C12orf42: variants seen among roughly 807,000 people sequenced by gnomAD.
C12orf42 encodes chromosome 12 open reading frame 42.
C12orf42 carries 25 observed loss-of-function variants against 21.6 expected under a neutral mutation model. The ratio of observed to expected loss-of-function variants is 1.16; its 90% CI spans 0.84 to 1.62. The LOEUF (loss-of-function observed/expected upper bound fraction) is 1.62, where lower values mean the gene tolerates loss of function less well. Ranked by LOEUF, C12orf42 falls within the 40% of genes most tolerant of loss-of-function variation. The pLI, the probability that C12orf42 is intolerant of heterozygous loss-of-function variation, is 0.00. For missense variants in C12orf42, 483 were observed against 459.3 expected, an observed-to-expected ratio of 1.05 and a Z score of -0.47; for synonymous variants, 174 against 175.0, an observed-to-expected ratio of 0.99 and a Z score of 0.05.
At position 103,251,755 on chromosome 12, in the gene C12orf42, CAATT is replaced by C. The variant is rs576045681; in HGVS notation, c.*1366+11567_*1366+11570del. Among the ~76,000 whole-genome samples, 238 of 152,208 alleles carry C rather than the reference CAATT, an allele frequency of 1.6e-3. 2 individuals are homozygous for C. Among genetic ancestry groups the C allele is most frequent in the African/African-American group, 5.4e-3 (226 of 41,540 alleles). On this transcript the variant is annotated intron_variant and NMD_transcript_variant, in intron 10 of 10. Transcript: ENST00000547347. ...AATTTTTAAATGCTTTCATATATAT[CAATT>C]AATCTTCACAACTGCTACAAGTGAT... is the stretch of plus-strand genomic sequence containing the variant.
At chr12:103,551,165 C>T in the C12orf42 span, among the ~76,000 whole-genome samples, 4 of 152,088 alleles carry the variant, frequency 2.6e-5, no homozygotes, top group African/African-American at 9.7e-5. Flanking sequence ...TGTTTCTCCA[C>T]TTCTTTTTCT....
At chr12:103,068,868 C>CCT in the C12orf42 span, among the ~76,000 whole-genome samples, 1,219 of 133,978 alleles carry the variant, frequency 9.1e-3, 37 homozygotes, top group African/African-American at 0.02. Flanking sequence ...ATAATAAACT[C>CCT]CTCTCTCTAT....
intron 1 of C12orf42, among the ~76,000 whole-genome samples, chr12:103,480,927 T>C (rs939764917): frequency 2.6e-5 from 4 of 151,736 alleles, no homozygotes; most frequent in African/African-American, 9.7e-5. Flanking sequence ...AAATCATCTA[T>C]ATCCCTTGAT....
At chr12:103,125,179 A>C in the C12orf42 span, among the ~76,000 whole-genome samples, 1 of 152,216 alleles carries the variant, frequency 6.6e-6, no homozygotes, top group Non-Finnish European at 1.5e-5. Context: ...ACTTTTGAGA[A>C]AGCCTACAGA....
intron 4 of C12orf42, among the ~76,000 whole-genome samples, chr12:103,310,621 T>C (rs11111520): frequency 0.083 from 12,600 of 152,286 alleles, 521 homozygotes; most frequent in East Asian, 0.18. Context: ...TTTCATAGAA[T>C]CTTCACCCCA....
chr12:103,076,580 G>A, the C12orf42 span, among the ~76,000 whole-genome samples: 1 of 152,088 alleles, frequency 6.6e-6, no homozygotes, highest in Non-Finnish European at 1.5e-5. Flanking sequence ...CAGTGAATAA[G>A]TGGAATCTCT....
the C12orf42 span, among the ~76,000 whole-genome samples, chr12:103,202,879 A>T: frequency 6.6e-6 from 1 of 152,198 alleles, no homozygotes; most frequent in African/African-American, 2.4e-5. Context: ...TGATGGACTA[A>T]TCAGGTACAC....
chr12:103,225,886 A>C, the C12orf42 span, among the ~76,000 whole-genome samples: 10 of 152,286 alleles, frequency 6.6e-5, no homozygotes, highest in African/African-American at 2.4e-4. Context: ...AGTTACCCGA[A>C]GCTCGGCGTC....
intron 4 of C12orf42, among the ~76,000 whole-genome samples, chr12:103,328,929 G>T (rs1285445922): frequency 6.6e-6 from 1 of 152,166 alleles, no homozygotes; most frequent in African/African-American, 2.4e-5. Context: ...TCTATTCCAG[G>T]TACTATTTCA....
At chr12:103,441,384 G>C (rs1951233014) in intron 2 of C12orf42, 1 of 152,136 alleles carries the variant, frequency 6.6e-6, no homozygotes, top group Non-Finnish European at 1.5e-5. Flanking sequence ...AACTGAAACT[G>C]ATCATTAAAA....
chr12:103,180,342 T>C, the C12orf42 span, among the ~76,000 whole-genome samples: 2 of 152,108 alleles, frequency 1.3e-5, no homozygotes, highest in Non-Finnish European at 2.9e-5. Context: ...GGGATGGCAA[T>C]AACGAACTAA....
At chr12:103,508,547 T>C in the C12orf42 span, among the ~76,000 whole-genome samples, 1 of 152,242 alleles carries the variant, frequency 6.6e-6, no homozygotes, top group Non-Finnish European at 1.5e-5. Flanking sequence ...GTTGTAATTG[T>C]TCATACTATG....
intron 1 of C12orf42, among the ~76,000 whole-genome samples, chr12:103,495,492 G>A (rs571694829): frequency 8.5e-5 from 13 of 152,114 alleles, no homozygotes; most frequent in Non-Finnish European, 1.8e-4. Flanking sequence ...TGGGGAGGGC[G>A]GCGGTGGCAT....
chr12:103,427,232 AC>A (rs1165109928), intron 2 of C12orf42, among the ~76,000 whole-genome samples: 26 of 151,708 alleles, frequency 1.7e-4, no homozygotes, highest in Non-Finnish European at 2.9e-4. Context: ...GCAAAGACAC[AC>A]ATAGGCTCAA....
chr12:103,144,596 A>G, the C12orf42 span, among the ~76,000 whole-genome samples: 1 of 152,194 alleles, frequency 6.6e-6, no homozygotes, highest in Admixed American at 6.5e-5. Context: ...ACTCTTCCAA[A>G]ATGGATTTAT....
the C12orf42 span, among the ~76,000 whole-genome samples, chr12:103,158,023 C>G: frequency 2.0e-5 from 3 of 152,128 alleles, no homozygotes; most frequent in Non-Finnish European, 4.4e-5. Context: ...AATTTTCACT[C>G]TATTATGTTT....
intron 10 of C12orf42, among the ~76,000 whole-genome samples, chr12:103,248,567 G>A (rs1401998): frequency 0.51 from 72,452 of 143,412 alleles, 17,410 homozygotes; most frequent in Middle Eastern, 0.65. Flanking sequence ...TATATTACAT[G>A]TATAATATAT....
chr12:103,339,599 C>T (rs1047417693), intron 4 of C12orf42, among the ~76,000 whole-genome samples: 1 of 152,186 alleles, frequency 6.6e-6, no homozygotes, highest in African/African-American at 2.4e-5. Context: ...AAAAGCTCAA[C>T]ATCACTGATC....
the C12orf42 span, chr12:103,505,008 C>T: frequency 1.8e-4 from 36 of 205,100 alleles, no homozygotes; most frequent in Middle Eastern, 6.5e-3. Flanking sequence ...CATGGGAATG[C>T]TGTGTTCTGA....
Sources: gnomAD v4.1 joint callset for allele counts (sites outside exome capture counted in the v4.1 genomes callset) on GRCh38, gnomAD v4.1.1 for gene constraint, MANE v1.5 for transcripts, NCBI Gene and HGNC (gene_info 2026-07-23, HGNC 2026-07-21) for gene names.